LINGO2: variants seen among roughly 807,000 people sequenced by gnomAD.
LINGO2 encodes the protein leucine-rich repeat and immunoglobulin-like domain-containing nogo receptor-interacting protein 2.
Under a neutral mutation model 30.6 loss-of-function variants are expected in LINGO2, and 14 were observed. That is an observed-to-expected ratio of 0.46 (90% CI 0.30 to 0.72). The LOEUF (loss-of-function observed/expected upper bound fraction) is 0.72, where lower values mean the gene tolerates loss of function less well. LINGO2 is among the 30% of genes least tolerant of loss of function. The pLI, the probability that LINGO2 is intolerant of heterozygous loss-of-function variation, is 0.07. For synonymous variants in LINGO2, 317 were observed against 288.5 expected (o/e 1.10, Z -1.00); for missense variants, 729 against 751.7 (o/e 0.97, Z 0.35).
the LINGO2 span, among the ~76,000 whole-genome samples, chr9:29,021,423 C>T: frequency 2.0e-5 from 3 of 152,126 alleles, no homozygotes; most frequent in African/African-American, 7.2e-5. Flanking sequence ...CTTTGGGAGG[C>T]GATGCGGGCG....
At chr9:28,288,488 G>A (rs1338259247) in intron 4 of LINGO2, among the ~76,000 whole-genome samples, 1 of 152,056 alleles carries the variant, frequency 6.6e-6, no homozygotes, top group Non-Finnish European at 1.5e-5. Context: ...TGTCATTAAA[G>A]CTCTCAGTTC....
intron 1 of LINGO2, among the ~76,000 whole-genome samples, chr9:28,592,802 A>G (rs1271820281): frequency 6.6e-6 from 1 of 152,054 alleles, no homozygotes; most frequent in Non-Finnish European, 1.5e-5. Context: ...TCAATAGGGT[A>G]CACTTTCCAA....
the LINGO2 span, among the ~76,000 whole-genome samples, chr9:29,101,877 T>G: frequency 4.6e-5 from 7 of 152,244 alleles, no homozygotes; most frequent in East Asian, 1.4e-3. Context: ...AATGTGGGAG[T>G]GCAGCCTGGC....
chr9:28,963,421 A>G, the LINGO2 span, among the ~76,000 whole-genome samples: 1 of 151,864 alleles, frequency 6.6e-6, no homozygotes, highest in Non-Finnish European at 1.5e-5. Context: ...TAAGGAAATT[A>G]CTGATCTATG....
At chr9:28,246,787 A>C (rs1822016928) in intron 4 of LINGO2, among the ~76,000 whole-genome samples, 1 of 152,222 alleles carries the variant, frequency 6.6e-6, no homozygotes, top group Admixed American at 6.5e-5. Context: ...TCTGCACAGC[A>C]AAAGAAACTA....
chr9:28,858,631 T>A, the LINGO2 span, among the ~76,000 whole-genome samples: 2 of 151,958 alleles, frequency 1.3e-5, no homozygotes, highest in Non-Finnish European at 2.9e-5. Context: ...AGGATAATGG[T>A]TACTTCAGAG....
chr9:28,326,909 T>A (rs1309610300), intron 3 of LINGO2, among the ~76,000 whole-genome samples: 1 of 152,116 alleles, frequency 6.6e-6, no homozygotes, highest in African/African-American at 2.4e-5. Flanking sequence ...GGGGAATGGC[T>A]AAGGGCCTCA....
chr9:28,246,784 A>T (rs999897098), intron 4 of LINGO2, among the ~76,000 whole-genome samples: 2 of 152,236 alleles, frequency 1.3e-5, no homozygotes, highest in African/African-American at 4.8e-5. Context: ...GCTTCTGCAC[A>T]GCAAAAGAAA....
At chr9:28,045,158 C>T (rs1175959619) in intron 4 of LINGO2, among the ~76,000 whole-genome samples, 6 of 151,926 alleles carry the variant, frequency 3.9e-5, no homozygotes, top group Admixed American at 3.9e-4. Flanking sequence ...TCCATTCCCA[C>T]CACTACCCCT....
the LINGO2 span, among the ~76,000 whole-genome samples, chr9:28,701,944 A>T: frequency 2.0e-5 from 3 of 151,874 alleles, no homozygotes; most frequent in African/African-American, 7.2e-5. Flanking sequence ...TTTAATGCTG[A>T]TATATGGGAA....
the LINGO2 span, among the ~76,000 whole-genome samples, chr9:29,058,024 G>C: frequency 0.19 from 29,062 of 151,854 alleles, 2,831 homozygotes; most frequent in South Asian, 0.21. Flanking sequence ...AGCATCTCAA[G>C]CACAACAAGA....
chr9:28,231,541 T>G (rs143656437), intron 4 of LINGO2, among the ~76,000 whole-genome samples: 2 of 152,222 alleles, frequency 1.3e-5, no homozygotes, highest in African/African-American at 4.8e-5. Flanking sequence ...AAAACAAAAC[T>G]AATATCTATA....
At chr9:29,190,604 A>G in the LINGO2 span, among the ~76,000 whole-genome samples, 2 of 152,192 alleles carry the variant, frequency 1.3e-5, no homozygotes, top group African/African-American at 4.8e-5. Flanking sequence ...ATATGGCAAC[A>G]AGGTAACTAC....
At chr9:28,511,179 T>C (rs192075605) in intron 1 of LINGO2, among the ~76,000 whole-genome samples, 2 of 152,270 alleles carry the variant, frequency 1.3e-5, no homozygotes, top group Admixed American at 1.3e-4. Flanking sequence ...CCATCACAAG[T>C]CCACCCGTTG....
intron 2 of LINGO2, among the ~76,000 whole-genome samples, chr9:28,434,412 G>A (rs1823830136): frequency 6.6e-6 from 1 of 151,444 alleles, no homozygotes; most frequent in Admixed American, 6.6e-5. Flanking sequence ...AGAGGACAGA[G>A]ACCCTCCTGG....
At chr9:28,103,667 T>C (rs978549527) in intron 4 of LINGO2, among the ~76,000 whole-genome samples, 1 of 152,194 alleles carries the variant, frequency 6.6e-6, no homozygotes, top group Non-Finnish European at 1.5e-5. Context: ...TCAAGATTGC[T>C]GACCAAAAGA....
intron 1 of LINGO2, among the ~76,000 whole-genome samples, chr9:28,626,356 C>T (rs1233885282): frequency 1.3e-5 from 2 of 151,832 alleles, no homozygotes; most frequent in African/African-American, 2.4e-5. Context: ...TTTGCATTTT[C>T]ATTTCATTAA....
intron 1 of LINGO2, among the ~76,000 whole-genome samples, chr9:28,528,482 C>T (rs148920191): frequency 1.3e-5 from 2 of 152,242 alleles, no homozygotes; most frequent in East Asian, 3.9e-4. Context: ...TCTTTCTCAG[C>T]TGGAATCTGA....
chr9:28,820,713 T>C, the LINGO2 span, among the ~76,000 whole-genome samples: 5 of 152,238 alleles, frequency 3.3e-5, no homozygotes, highest in Non-Finnish European at 5.9e-5. Context: ...GGGGCCATTG[T>C]TAAGGCACAG....
Sources: gnomAD v4.1 joint callset for allele counts (sites outside exome capture counted in the v4.1 genomes callset) on GRCh38, gnomAD v4.1.1 for gene constraint, MANE v1.5 for transcripts, NCBI Gene and HGNC (gene_info 2026-07-23, HGNC 2026-07-21) for gene names.